Variants in DACT1 observed in about 807,000 individuals in gnomAD.
DACT1 encodes the protein dishevelled binding antagonist of beta catenin 1, also known as dapper homolog 1.
DACT1 carries 19 observed loss-of-function variants against 35.3 expected under a neutral mutation model. The ratio of observed to expected loss-of-function variants is 0.54; its 90% confidence interval spans 0.38 to 0.79. DACT1 has a LOEUF of 0.79. DACT1 is among the 30% of genes least tolerant of loss of function. The probability of loss-of-function intolerance (pLI) is 0.00; values close to 1 mark genes in which losing one functional copy is unlikely to be tolerated. For missense variants in DACT1, 1,143 were observed against 1,057.5 expected, an observed-to-expected ratio of 1.08 and a Z score of -1.12; for synonymous variants, 545 against 466.7, an observed-to-expected ratio of 1.17 and a Z score of -2.16.
intron 3 of DACT1, among the ~76,000 whole-genome samples, chr14:58,643,707 C>T (rs1471640403): frequency 3.3e-5 from 5 of 152,158 alleles, no homozygotes; most frequent in African/African-American, 1.2e-4. Context: ...TTGCACCAGG[C>T]CTTGGGGGCT....
chr14:58,644,176 A>C (rs1261402940), intron 3 of DACT1, among the ~76,000 whole-genome samples: 1 of 152,220 alleles, frequency 6.6e-6, no homozygotes, highest in Non-Finnish European at 1.5e-5. Context: ...AAAATCCTTT[A>C]AGACAGCAAG....
At chr14:58,640,956 C>A in intron 2 of DACT1, 88 bp downstream of exon 2, 1 of 1,450,394 alleles carries the variant, frequency 6.9e-7, no homozygotes, top group Non-Finnish European at 9.6e-7. Flanking sequence ...CTGCAAATGG[C>A]AATGGAGTTT....
At chr14:58,641,067 A>G (rs894782062) in intron 2 of DACT1, among the ~76,000 whole-genome samples, 199 bp downstream of exon 2, 35 of 152,338 alleles carry the variant, frequency 2.3e-4, no homozygotes, top group African/African-American at 6.5e-4. Context: ...TAGTAATGAG[A>G]TCAATGTGAT....
rs763734181 is a variant in DACT1, at chr14:58,645,483, T to G, written c.749T>G (p.Leu250Arg). The G allele has an allele frequency of 6.2e-7, 1 of 1,614,242 alleles. No individual in the cohort carries two copies. The highest frequency in any genetic ancestry group is 1.1e-5 in the South Asian group (1 of 91,086). The change falls in exon 4 of 4, where the codon CTG becomes CGG. Residue 250 changes from leucine (L) to arginine (R), a missense_variant. Leu to Arg is a moderately radical substitution (Grantham distance 102). Coordinates refer to ENST00000395153, the MANE Select transcript of DACT1 (RefSeq NM_001079520.2). ...CAGAGCCCAATGTTTCTCCTTTGTC[T>G]GACGGGCAACCCTCTGAGGGAAGAG... ...AVQSPMFLLC[L>R]TGNPLREEDR...
At position 58,638,179 on chromosome 14, in the gene DACT1, G is replaced by A. The variant is rs891089631; in HGVS notation, c.-24G>A. ...CCTGGGCGGCCCGGCTGCGGTGACGGCTCTCGCTGCCCGACTGGGGGCCAT... is the reference window on the plus strand; with the variant it reads ...CCTGGGCGGCCCGGCTGCGGTGACGACTCTCGCTGCCCGACTGGGGGCCAT... On this transcript the variant is annotated 5_prime_UTR_variant, in exon 1 of 4. Coordinates refer to ENST00000395153, the MANE Select transcript of DACT1 (RefSeq NM_001079520.2). 18 of 1,285,902 alleles carry A rather than the reference G, an allele frequency of 1.4e-5. No homozygotes were observed. Among genetic ancestry groups the A allele is most frequent in the Non-Finnish European group, 1.8e-5 (18 of 1,018,160 alleles). The allele number at this position is 1,285,902 out of a possible 1,614,324, so 79.7% of individuals were successfully genotyped here.
chr14:58,641,308 G>A (rs2047624944), intron 2 of DACT1, among the ~76,000 whole-genome samples: 1 of 151,252 alleles, frequency 6.6e-6, no homozygotes, highest in Non-Finnish European at 1.5e-5. Context: ...ACAGATCTAA[G>A]TTTCTTTCCT....
chr14:58,647,440 T>C lies in DACT1; in HGVS notation c.*306T>C, dbSNP rs1717342502. On this transcript the variant is annotated 3_prime_UTR_variant, in exon 4 of 4. Coordinates refer to ENST00000395153, the MANE Select transcript of DACT1 (RefSeq NM_001079520.2). ...GCATCCGGCAAGGTACAGGTTTTGATGTTCAAGTTTTATTGGGATAAGATC... is the reference window on the plus strand; with the variant it reads ...GCATCCGGCAAGGTACAGGTTTTGACGTTCAAGTTTTATTGGGATAAGATC... 2 of 355,668 alleles carry C rather than the reference T, an allele frequency of 5.6e-6. No homozygotes were observed. Among genetic ancestry groups the C allele is most frequent in the African/African-American group, 2.2e-5 (1 of 44,974 alleles). 22.0% of individuals were successfully genotyped at this position (355,668 alleles called of 1,614,324 possible).
At position 58,638,106 on chromosome 14, in the gene DACT1, G is replaced by C. The variant is rs1462958821; in HGVS notation, c.-97G>C. The C allele has an allele frequency of 8.5e-7, 1 of 1,181,800 alleles. No individual in the cohort carries two copies. The highest frequency in any genetic ancestry group is 1.1e-6 in the Non-Finnish European group (1 of 949,120). The allele number at this position is 1,181,800 out of a possible 1,614,324, so 73.2% of individuals were successfully genotyped here. A position where few individuals can be genotyped will look rare whatever the true frequency, so the allele number is the denominator to read the frequency against. ...CGCCAGCGCCGCGCCCCGCCACAGGGCGGCATGAGCCCACCCGCGGCCGCA... is the reference window on the plus strand; with the variant it reads ...CGCCAGCGCCGCGCCCCGCCACAGGCCGGCATGAGCCCACCCGCGGCCGCA... On this transcript the variant is annotated 5_prime_UTR_variant, in exon 1 of 4. Coordinates refer to ENST00000395153, the MANE Select transcript of DACT1 (RefSeq NM_001079520.2).
chr14:58,646,044 C>T lies in DACT1; in HGVS notation c.1310C>T (p.Ser437Phe), dbSNP rs772150847. The part of the protein sequence containing the change: ...ARCSAIGTGE[S>F]PKESAQLSGA... ...TGTTCCGCCATTGGGACAGGGGAGTCCCCTAAGGAAAGCGCTCAGCTCTCA... is the reference window on the plus strand; with the variant it reads ...TGTTCCGCCATTGGGACAGGGGAGTTCCCTAAGGAAAGCGCTCAGCTCTCA... The change falls in exon 4 of 4, where the codon TCC (serine) becomes TTC (phenylalanine). Residue 437 changes from serine (S) to phenylalanine (F), a missense_variant. Physicochemically the swap from Ser to Phe is radical, Grantham distance 155. Around this residue, in one of 3 missense-constraint regions of DACT1, gnomAD observed 1,054 missense variants for 958.8 expected, o/e 1.10. Transcript: ENST00000395153. 5 of 1,614,064 alleles carry T rather than the reference C, an allele frequency of 3.1e-6. No individual in the cohort carries two copies. The highest frequency in any genetic ancestry group is 1.7e-5 in the Admixed American group (1 of 60,024).
chr14:58,648,015 A>G lies in DACT1; in HGVS notation c.*881A>G, dbSNP rs1444006558. ...ATGCCACCGAAGCGTTGACCTGAAC[A>G]TATTAGTGCAATCCAGTCCAGATTG... On this transcript the variant is annotated 3_prime_UTR_variant, in exon 4 of 4. Coordinates refer to ENST00000395153, the MANE Select transcript of DACT1 (RefSeq NM_001079520.2). The G allele has an allele frequency of 1.2e-5, 2 of 167,094 alleles. No individual in the cohort carries two copies. Among genetic ancestry groups the G allele is most frequent in the Non-Finnish European group, 2.9e-5 (2 of 68,124 alleles). 10.4% of individuals were successfully genotyped at this position (167,094 alleles called of 1,614,324 possible).
intron 2 of DACT1, among the ~76,000 whole-genome samples, chr14:58,641,377 T>C (rs2047625490): frequency 6.6e-6 from 1 of 152,212 alleles, no homozygotes; most frequent in African/African-American, 2.4e-5. Context: ...AGGGTAACTC[T>C]GAAATGTACC....
chr14:58,648,242 CAT>C lies in DACT1; in HGVS notation c.*1111_*1112del, dbSNP rs772358481. On this transcript the variant is annotated 3_prime_UTR_variant, in exon 4 of 4. Coordinates refer to ENST00000395153, the MANE Select transcript of DACT1 (RefSeq NM_001079520.2). ...ATATCATTGTGTAAATTTAATATAA[CAT>C]ATGCAGTAATAAACCATTTGTTTTA... 1.8e-5 allele frequency: 3 copies of C among 166,958 alleles called. No homozygotes were observed. Among genetic ancestry groups the C allele is most frequent in the East Asian group, 1.9e-4 (1 of 5,180 alleles). The allele number at this position is 166,958 out of a possible 1,614,324, so 10.3% of individuals were successfully genotyped here.
rs2047666844 is a variant in DACT1, at chr14:58,645,603, G to GCACA, written c.869_870insCACA (p.Trp290CysfsTer40). 6.2e-7 allele frequency: 1 copy of GCACA among 1,614,028 alleles called. No individual in the cohort carries two copies. Among genetic ancestry groups the GCACA allele is most frequent in the Admixed American group, 1.7e-5 (1 of 60,004 alleles). ...TCCTTACCGTCCCCAAGCAGTCTGT[G>GCACA]GTCTGCTTCCCATCCTTCATCCAGC... On this transcript the variant is annotated frameshift_variant, in exon 4 of 4. Coordinates refer to ENST00000395153, the MANE Select transcript of DACT1 (RefSeq NM_001079520.2). LOFTEE classifies it low-confidence loss of function (END_TRUNC).
At chr14:58,637,840 C>T (rs1202627709), upstream of DACT1, among the ~76,000 whole-genome samples, 1 of 151,304 alleles carries the variant, frequency 6.6e-6, no homozygotes, top group Non-Finnish European at 1.5e-5. Flanking sequence ...CCGGGCGGCG[C>T]GCCTGACAGA....
chr14:58,647,251 A>T lies in DACT1; in HGVS notation c.*117A>T, dbSNP rs1255182522. 4 of 1,222,078 alleles carry T rather than the reference A, an allele frequency of 3.3e-6. No individual in the cohort carries two copies. Among genetic ancestry groups the T allele is most frequent in the Non-Finnish European group, 3.5e-6 (3 of 866,122 alleles). The allele number at this position is 1,222,078 out of a possible 1,614,324, so 75.7% of individuals were successfully genotyped here. A position where few individuals can be genotyped will look rare whatever the true frequency, so the allele number is the denominator to read the frequency against. On this transcript the variant is annotated 3_prime_UTR_variant, in exon 4 of 4. Coordinates refer to ENST00000395153, the MANE Select transcript of DACT1 (RefSeq NM_001079520.2). Reference sequence around the variant, plus strand: ...ACTTTAATGGAATGCTTTTTAAAAAAATATAAAACCAAGGTAAATTATTGT... The same window carrying T: ...ACTTTAATGGAATGCTTTTTAAAAATATATAAAACCAAGGTAAATTATTGT...
In DACT1 at chr14:58,646,566, GC is replaced by G; in HGVS notation, c.1833del (p.Gly613AlafsTer42). 6.4e-7 allele frequency: 1 copy of G among 1,563,420 alleles called. No individual in the cohort carries two copies. The highest frequency in any genetic ancestry group is 8.7e-7 in the Non-Finnish European group (1 of 1,155,996). The part of the protein sequence containing the change: ...PEAGVPGRPA[G>X]GGHRAGSRAH... ...GCTGGTGTTCCCGGCAGGCCCGCGG[GC>G]GGGGGCCACAGGGCGGGGAGCAGGG... On this transcript the variant is annotated frameshift_variant, in exon 4 of 4. Coordinates refer to ENST00000395153, the MANE Select transcript of DACT1 (RefSeq NM_001079520.2). LOFTEE classifies it high-confidence loss of function.
In DACT1 at chr14:58,638,519, A is replaced by G; in HGVS notation, c.317A>G (p.Glu106Gly). The G allele has an allele frequency of 7.4e-7, 1 of 1,348,538 alleles. No homozygotes were observed. Among genetic ancestry groups the G allele is most frequent in the Non-Finnish European group, 9.6e-7 (1 of 1,043,320 alleles). 83.5% of individuals were successfully genotyped at this position (1,348,538 alleles called of 1,614,324 possible). The stretch of plus-strand genomic sequence containing the variant: ...CGCCTGGAGGAGAAGTTCTTGGAGG[A>G]GAACATCTTGCTGCTAAGAAAGCAA... ...RSRLEEKFLEENILLLRKQLN... is the reference protein window; with the variant it reads ...RSRLEEKFLEGNILLLRKQLN... The change falls in exon 1 of 4, where the codon GAG becomes GGG. Residue 106 changes from glutamate to glycine, a missense_variant. Around this residue, in one of 3 missense-constraint regions of DACT1, gnomAD observed 1,054 missense variants for 958.8 expected, o/e 1.10. Transcript: ENST00000395153.
At chr14:58,636,984 T>C (rs955496426), upstream of DACT1, among the ~76,000 whole-genome samples, 2 of 152,194 alleles carry the variant, frequency 1.3e-5, no homozygotes, top group Admixed American at 6.5e-5. Flanking sequence ...GCTAGCCACG[T>C]TGTAAGTGCA....
At position 58,639,280 on chromosome 14, in the gene DACT1, T is replaced by C. The variant is rs375409994; in HGVS notation, c.345+733T>C. The stretch of plus-strand genomic sequence containing the variant: ...TGCTCTCGGTAAGCATTTATCTTAC[T>C]GGGTTTCTGTCAGTGTCTCAGTCTT... On this transcript the variant is annotated intron_variant, in intron 1 of 3. Transcript: ENST00000395153. 1.3e-5 allele frequency: 13 copies of C among 984,646 alleles called. 1 individual carries two copies. The highest frequency in any genetic ancestry group is 1.2e-4 in the Admixed American group (2 of 16,296). The allele number at this position is 984,646 out of a possible 1,614,324, so 61.0% of individuals were successfully genotyped here.
Sources: gnomAD v4.1 joint callset for allele counts (sites outside exome capture counted in the v4.1 genomes callset) on GRCh38, gnomAD v4.1.1 for gene constraint, gnomAD v4.1.1 regional missense constraint, MANE v1.5 for transcripts, NCBI Gene and HGNC (gene_info 2026-07-23, HGNC 2026-07-21) for gene names.